The following ABCA1 variants were observed in gnomAD, a reference collection of about 807,000 sequenced individuals.
The protein encoded by ABCA1 is phospholipid-transporting ATPase ABCA1.
ABCA1 carries 133 observed loss-of-function variants against 262.5 expected under a neutral mutation model. The ratio of observed to expected loss-of-function variants is 0.51; its 90% CI spans 0.44 to 0.59. The LOEUF is 0.59. ABCA1 is among the 20% of genes least tolerant of loss of function. The pLI is 0.00. For synonymous variants in ABCA1, 1,022 were observed against 1,043.5 expected (o/e 0.98, Z 0.40); for missense variants, 2,452 against 2,777.5 (o/e 0.88, Z 2.63).
chr9:104,899,142 G>C (rs117262824), intron 2 of ABCA1, among the ~76,000 whole-genome samples: 1 of 152,056 alleles, frequency 6.6e-6, no homozygotes, highest in Non-Finnish European at 1.5e-5. Flanking sequence ...TCTTCATTCC[G>C]TAGAAGAGAA....
chr9:104,902,581 T>C (rs1588556216), intron 2 of ABCA1, among the ~76,000 whole-genome samples: 2 of 152,370 alleles, frequency 1.3e-5, no homozygotes, highest in South Asian at 4.1e-4. Flanking sequence ...ATGGGTCATA[T>C]AGTTGTATAA....
At position 104,840,306 on chromosome 9, in the gene ABCA1, C is replaced by T. The variant is rs550551082; in HGVS notation, c.1027G>A (p.Ala343Thr). 1 of 1,614,214 alleles carries T rather than the reference C, an allele frequency of 6.2e-7. No homozygotes were observed. Among genetic ancestry groups the T allele is most frequent in the East Asian group, 2.2e-5 (1 of 44,878 alleles). ...GTAGAGTTGTCATAGAAGGTTTCAG[C>T]ATCTTCCTCAGTGCCATTGCCTCCA... ...LFGGNGTEED[A>T]ETFYDNSTTP... Residue 343 changes from alanine to threonine, a missense_variant, in exon 9 of 50, where the codon GCT becomes ACT. Coordinates refer to ENST00000374736, the MANE Select transcript of ABCA1 (RefSeq NM_005502.4).
intron 5 of ABCA1, among the ~76,000 whole-genome samples, chr9:104,875,396 C>G (rs1365749469): frequency 6.6e-6 from 1 of 151,328 alleles, no homozygotes; most frequent in African/African-American, 2.4e-5. Context: ...CAGATTCATG[C>G]CATGAACATA....
chr9:104,795,957 T>C, intron 39 of ABCA1, 96 bp downstream of exon 39: 1 of 1,551,248 alleles, frequency 6.4e-7, no homozygotes, highest in Non-Finnish European at 8.8e-7. Flanking sequence ...GCAGTGTCAA[T>C]ACCACTGACA....
At chr9:104,888,331 G>C (rs1839397448) in intron 3 of ABCA1, among the ~76,000 whole-genome samples, 1 of 152,096 alleles carries the variant, frequency 6.6e-6, no homozygotes, top group South Asian at 2.1e-4. Context: ...ACATTTCCCA[G>C]CTACGTAAAT....
At chr9:104,874,081 T>C (rs910273045) in intron 5 of ABCA1, among the ~76,000 whole-genome samples, 1 of 152,218 alleles carries the variant, frequency 6.6e-6, no homozygotes, top group Non-Finnish European at 1.5e-5. Flanking sequence ...TCACGTCTTT[T>C]TGATTTTCAA....
chr9:104,810,969 C>T (rs570630531), intron 28 of ABCA1, 45 bp from the exon 29 acceptor site: 1 of 1,613,276 alleles, frequency 6.2e-7, no homozygotes, highest in East Asian at 2.2e-5. Flanking sequence ...CAGGAAACGG[C>T]AAGTGTTAGA....
chr9:104,889,104 T>C lies in ABCA1; in HGVS notation c.158A>G (p.Glu53Gly), dbSNP rs1051504651. Residue 53 changes from glutamate (E) to glycine (G), a missense_variant and splice_region_variant, in exon 3 of 50, where the codon GAA (glutamate) becomes GGA (glycine). Coordinates refer to ENST00000374736, the MANE Select transcript of ABCA1 (RefSeq NM_005502.4). ...RLSYPPYEQH[E>G]CHFPNKAMPS... ...AGGCAACATCCACAGTTACTTACAT[T>C]CATGTTGTTCATAGGGTGGGTAGCT... 14 of 1,613,564 alleles carry C rather than the reference T, an allele frequency of 8.7e-6. No individual in the cohort carries two copies. Among genetic ancestry groups the C allele is most frequent in the Non-Finnish European group, 1.1e-5 (13 of 1,179,512 alleles).
At chr9:104,828,837 TTTC>T (rs1265081600) in intron 15 of ABCA1, 76 bp downstream of exon 15, 15 of 1,434,990 alleles carry the variant, frequency 1.0e-5, no homozygotes, top group African/African-American at 4.3e-5. Context: ...TTGGATTTTT[TTTC>T]TTCTTCTCCT....
At chr9:104,856,065 AATGTCATCAC>A (rs1318470817) in intron 7 of ABCA1, 10 of 1,606,492 alleles carry the variant, frequency 6.2e-6, no homozygotes, top group African/African-American at 1.3e-5. Context: ...GCCCATGTGC[AATGTCATCAC>A]ATGTCACATC....
intron 1 of ABCA1, among the ~76,000 whole-genome samples, chr9:104,918,045 C>G (rs1841944439): frequency 6.6e-6 from 1 of 152,054 alleles, no homozygotes; most frequent in Non-Finnish European, 1.5e-5. Context: ...CTTGAGTGGG[C>G]TGAAATGCTA....
intron 1 of ABCA1, among the ~76,000 whole-genome samples, chr9:104,915,848 G>A (rs1307460171): frequency 6.6e-6 from 1 of 152,174 alleles, no homozygotes; most frequent in African/African-American, 2.4e-5. Context: ...GTGAGAGCTG[G>A]TGTTGGTCAC....
rs143391593 is a variant in ABCA1 at position 104,825,766 on chromosome 9, T to C, written c.2459A>G (p.Asn820Ser). The C allele has an allele frequency of 3.0e-5, 48 of 1,614,074 alleles. 1 individual carries two copies. The highest frequency in any genetic ancestry group is 3.3e-4 in the Middle Eastern group (2 of 6,084). The change falls in exon 17 of 50, where the codon AAT (asparagine) becomes AGT (serine). Residue 820 changes from asparagine (N) to serine (S), a missense_variant. Transcript: ENST00000374736. The part of the protein sequence containing the change: ...FESPVEEDGF[N>S]LTTSVSMMLF... ...CATCATGGAGACCGAAGTGGTGAGA[T>C]TGAAGCCATCTTCCTCCACAGGACT... is the stretch of plus-strand genomic sequence containing the variant.
rs72121018 is a variant in ABCA1 at position 104,801,116 on chromosome 9, T to TAA, written c.4699-534_4699-533dup. On this transcript the variant is annotated intron_variant, in intron 34 of 49. Transcript: ENST00000374736. ...GGTCCTACAGACCAGCTTGCCAGCTTAAAAAAAAAAAAGATTCATTTCCTA... is the reference window on the plus strand; with the variant it reads ...GGTCCTACAGACCAGCTTGCCAGCTTAAAAAAAAAAAAAAGATTCATTTCCTA... 8.9e-5 allele frequency among the ~76,000 whole-genome samples: 13 copies of TAA among 145,374 alleles called. 2 individuals carry two copies. Among genetic ancestry groups the TAA allele is most frequent in the Non-Finnish European group, 1.2e-4 (8 of 66,884 alleles).
chr9:104,907,333 G>A (rs1841218329), intron 1 of ABCA1, among the ~76,000 whole-genome samples: 1 of 152,152 alleles, frequency 6.6e-6, no homozygotes, highest in Non-Finnish European at 1.5e-5. Flanking sequence ...TGACACGTGG[G>A]TTCAGAGCCC....
chr9:104,863,582 T>C (rs1400225257), intron 5 of ABCA1, among the ~76,000 whole-genome samples: 1 of 152,232 alleles, frequency 6.6e-6, no homozygotes, highest in African/African-American at 2.4e-5. Context: ...GCCCAGCCAG[T>C]CTCTCATAAA....
At chr9:104,894,267 A>G (rs961392121) in intron 2 of ABCA1, among the ~76,000 whole-genome samples, 2 of 152,134 alleles carry the variant, frequency 1.3e-5, no homozygotes, top group African/African-American at 4.8e-5. Context: ...TGCAGCCCCC[A>G]TATCTAGGAT....
chr9:104,913,546 G>GT (rs2118493211), intron 1 of ABCA1, among the ~76,000 whole-genome samples: 1 of 152,288 alleles, frequency 6.6e-6, no homozygotes, highest in African/African-American at 2.4e-5. Flanking sequence ...TCTCTTTTCT[G>GT]TATTCTTTGT....
chr9:104,914,993 C>G (rs946389738), intron 1 of ABCA1, among the ~76,000 whole-genome samples: 1 of 152,182 alleles, frequency 6.6e-6, no homozygotes, highest in African/African-American at 2.4e-5. Flanking sequence ...GGCACCTTCC[C>G]CGGAGGTTCA....
Sources: gnomAD v4.1 joint callset for allele counts (sites outside exome capture counted in the v4.1 genomes callset) on GRCh38, gnomAD v4.1.1 for gene constraint, MANE v1.5 for transcripts, NCBI Gene and HGNC (gene_info 2026-07-23, HGNC 2026-07-21) for gene names.